The following MRPS35 variants were observed in gnomAD, a reference collection of about 807,000 sequenced individuals.
The protein encoded by MRPS35 is small ribosomal subunit protein mS35.
A neutral mutation model predicts 32.7 loss-of-function variants in MRPS35; 29 were observed. That is an observed-to-expected ratio of 0.89 (90% CI 0.66 to 1.21). The LOEUF (loss-of-function observed/expected upper bound fraction) is 1.21. Among genes scored for constraint, MRPS35 ranks in the 50% most tolerant of loss-of-function variants. The probability of loss-of-function intolerance (pLI) is 0.00; values close to 1 mark genes in which losing one functional copy is unlikely to be tolerated. For synonymous variants in MRPS35, 148 were observed against 139.3 expected (o/e 1.06, Z -0.44); for missense variants, 373 against 383.8 (o/e 0.97, Z 0.23).
intron 1 of MRPS35, among the ~76,000 whole-genome samples, chr12:27,711,303 T>C (rs11049104): frequency 0.12 from 18,486 of 152,212 alleles, 1,401 homozygotes; most frequent in East Asian, 0.18. Context: ...AACCATGGAT[T>C]TCCCCAAACA....
Position 27,737,621 on chromosome 12 carries a change from G to A in MRPS35, c.702+13G>A. On this transcript the variant is annotated intron_variant, in intron 7 of 7. Coordinates refer to ENST00000081029, the MANE Select transcript of MRPS35 (RefSeq NM_021821.4). Reference sequence around the variant, plus strand: ...CCATGAGTCTTGGGTAAGTGTGTGTGAATATTTAATGATTTTGTCATTGTA... The same window carrying A: ...CCATGAGTCTTGGGTAAGTGTGTGTAAATATTTAATGATTTTGTCATTGTA... 2 of 1,580,234 alleles carry A rather than the reference G, an allele frequency of 1.3e-6. No homozygotes were observed. The highest frequency in any genetic ancestry group is 1.7e-6 in the Non-Finnish European group (2 of 1,153,038).
At chr12:27,744,471 A>T (rs2061975323) in intron 7 of MRPS35, among the ~76,000 whole-genome samples, 1 of 152,146 alleles carries the variant, frequency 6.6e-6, no homozygotes, top group African/African-American at 2.4e-5. Flanking sequence ...TTTAAAAAGT[A>T]TTTGAATTTT....
intron 5 of MRPS35, among the ~76,000 whole-genome samples, chr12:27,726,039 G>T (rs1478382732): frequency 1.3e-5 from 2 of 151,800 alleles, no homozygotes; most frequent in African/African-American, 4.8e-5. Flanking sequence ...CAAATTCCTG[G>T]ACTCAGGCGA....
chr12:27,714,604 C>T (rs1593462562), intron 1 of MRPS35, among the ~76,000 whole-genome samples, 176 bp from the exon 2 acceptor site: 1 of 101,738 alleles, frequency 9.8e-6, no homozygotes. Context: ...TTTTAGTCTT[C>T]ATTAAGATGA....
chr12:27,725,069 A>T (rs751819968), intron 5 of MRPS35, among the ~76,000 whole-genome samples: 1 of 152,126 alleles, frequency 6.6e-6, no homozygotes, highest in Non-Finnish European at 1.5e-5. Context: ...GGTGTGAGAC[A>T]CTGCCCAGCC....
chr12:27,746,279 C>T (rs2061981707), intron 7 of MRPS35, among the ~76,000 whole-genome samples: 1 of 152,062 alleles, frequency 6.6e-6, no homozygotes, highest in Admixed American at 6.6e-5. Flanking sequence ...GTTTGAGTAT[C>T]CCTAATTTGA....
In MRPS35 at chr12:27,755,097, A is replaced by AT. The variant is rs1591805479; in HGVS notation, c.703-84_703-83insT. On this transcript the variant is annotated intron_variant, in intron 7 of 7. Coordinates refer to ENST00000081029, the MANE Select transcript of MRPS35 (RefSeq NM_021821.4). ...CCTTAAAAAGGAAGGAAAAAAAAAAAGAAGAAAGAAAGGAAGAAACAAACA... is the reference window on the plus strand; with the variant it reads ...CCTTAAAAAGGAAGGAAAAAAAAAAATGAAGAAAGAAAGGAAGAAACAAACA... The AT allele has an allele frequency of 1.3e-5, 18 of 1,383,318 alleles. No homozygotes were observed. The East Asian group carries it at 1.4e-4, about 11-fold the overall frequency. The allele number at this position is 1,383,318 out of a possible 1,614,324, so 85.7% of individuals were successfully genotyped here. A position where few individuals can be genotyped will look rare whatever the true frequency, so the allele number is the denominator to read the frequency against.
At chr12:27,733,217 T>A (rs571573547) in intron 5 of MRPS35, among the ~76,000 whole-genome samples, 2 of 152,244 alleles carry the variant, frequency 1.3e-5, no homozygotes, top group Non-Finnish European at 2.9e-5. Flanking sequence ...GATTAAAGAC[T>A]ACAATGTTGC....
intron 7 of MRPS35, among the ~76,000 whole-genome samples, chr12:27,745,136 G>C (rs528688974): frequency 8.5e-5 from 13 of 152,258 alleles, no homozygotes; most frequent in Admixed American, 5.9e-4. Context: ...TTTTAAAAGT[G>C]CTTCAAAATA....
At chr12:27,730,479 C>T (rs1476131041) in intron 5 of MRPS35, among the ~76,000 whole-genome samples, 2 of 152,132 alleles carry the variant, frequency 1.3e-5, no homozygotes, top group Non-Finnish European at 2.9e-5. Context: ...GATAGTGTCT[C>T]ATTCTGTCAC....
chr12:27,724,667 C>T (rs886602690), intron 5 of MRPS35, among the ~76,000 whole-genome samples: 7 of 152,014 alleles, frequency 4.6e-5, no homozygotes, highest in East Asian at 1.9e-4. Context: ...TGCTTGAACC[C>T]GGGAGGCAGA....
At chr12:27,746,722 C>T (rs905500080) in intron 7 of MRPS35, among the ~76,000 whole-genome samples, 1 of 152,184 alleles carries the variant, frequency 6.6e-6, no homozygotes, top group Admixed American at 6.5e-5. Flanking sequence ...AAGAAAAACT[C>T]AGGTTCTCCT....
chr12:27,724,022 T>C (rs1038613397), intron 4 of MRPS35, 25 bp from the exon 5 acceptor site: 10 of 1,605,900 alleles, frequency 6.2e-6, no homozygotes, highest in Non-Finnish European at 8.5e-6. Context: ...AAAAGTGTAA[T>C]TGAAATTATT....
intron 1 of MRPS35, among the ~76,000 whole-genome samples, chr12:27,711,222 T>A (rs1408705911): frequency 6.6e-6 from 1 of 152,232 alleles, no homozygotes; most frequent in South Asian, 2.1e-4. Flanking sequence ...CCTGCTCCTG[T>A]GTTGCCCCCG....
intron 7 of MRPS35, among the ~76,000 whole-genome samples, chr12:27,748,634 G>A (rs550503667): frequency 2.0e-4 from 30 of 152,112 alleles, no homozygotes; most frequent in Admixed American, 1.7e-3. Context: ...GCTGTTGTTT[G>A]TGCTTTAAAA....
intron 7 of MRPS35, among the ~76,000 whole-genome samples, chr12:27,738,873 G>A (rs928834480): frequency 2.7e-5 from 4 of 150,308 alleles, no homozygotes; most frequent in Admixed American, 6.6e-5. Context: ...ACAAGGTAGC[G>A]ACAATAGTAA....
intron 7 of MRPS35, among the ~76,000 whole-genome samples, chr12:27,744,961 C>T (rs1464421635): frequency 1.3e-5 from 2 of 152,094 alleles, no homozygotes; most frequent in African/African-American, 4.8e-5. Context: ...ATCTCTCCCC[C>T]ACAACACACA....
In MRPS35 at chr12:27,726,637, A is replaced by G. The variant is rs181093997; in HGVS notation, c.522+2451A>G. Among the ~76,000 whole-genome samples the G allele has an allele frequency of 7.9e-4, 121 of 152,204 alleles. 2 individuals carry two copies. Among genetic ancestry groups the G allele is most frequent in the African/African-American group, 2.7e-3 (112 of 41,488 alleles). ...TTCACCAGCAAGTTTGAGGCTTTCTATTTCTCCACATCCTCACTAATGGTT... is the reference window on the plus strand; with the variant it reads ...TTCACCAGCAAGTTTGAGGCTTTCTGTTTCTCCACATCCTCACTAATGGTT... On this transcript the variant is annotated intron_variant, in intron 5 of 7. Transcript: ENST00000081029.
At position 27,755,637 on chromosome 12, in the gene MRPS35, T is replaced by C; in HGVS notation, c.*187T>C. 1 of 448,584 alleles carries C rather than the reference T, an allele frequency of 2.2e-6. No individual in the cohort carries two copies. The highest frequency in any genetic ancestry group is 3.8e-6 in the Non-Finnish European group (1 of 266,584). The allele number at this position is 448,584 out of a possible 1,614,324, so 27.8% of individuals were successfully genotyped here. On this transcript the variant is annotated 3_prime_UTR_variant, in exon 8 of 8. Coordinates refer to ENST00000081029, the MANE Select transcript of MRPS35 (RefSeq NM_021821.4). The stretch of plus-strand genomic sequence containing the variant: ...TTTTTTAATTTTTACACTGGGGCAA[T>C]AGACTAGGAGGTCTCTGATTTCTTC...
Sources: allele counts gnomAD v4.1 joint callset (sites outside exome capture counted in the v4.1 genomes callset), GRCh38; gene constraint gnomAD v4.1.1; transcripts MANE v1.5; gene names NCBI Gene and HGNC (gene_info 2026-07-23, HGNC 2026-07-21).